The following FAT3 variants were observed in gnomAD, a reference collection of about 807,000 sequenced individuals.
FAT3 encodes FAT atypical cadherin 3.
Under a neutral mutation model 310.2 loss-of-function variants are expected in FAT3, and 95 were observed. That is an observed-to-expected ratio of 0.31 (90% CI 0.26 to 0.36). The LOEUF is 0.36. Ranked by LOEUF, FAT3 falls within the 10% of genes least tolerant of loss-of-function variation. The pLI is 1.00. For synonymous variants in FAT3, 2,314 were observed against 2,192.9 expected, an observed-to-expected ratio of 1.06 and a Z score of -1.54; for missense variants, 5,408 against 5,715.6, an observed-to-expected ratio of 0.95 and a Z score of 1.74.
chr11:92,774,186 A>T lies in FAT3; in HGVS notation c.4335+6A>T. ...CAAATGTTGCTGTTACTCAGGTGAG[A>T]TGTTAAATTACTGAATAGCAGGAAT... On this transcript the variant is annotated splice_donor_region_variant and intron_variant, in intron 7 of 27. Coordinates refer to ENST00000525166, the MANE Select transcript of FAT3 (RefSeq NM_001367949.2). 1 of 1,604,158 alleles carries T rather than the reference A, an allele frequency of 6.2e-7. No individual in the cohort carries two copies. Among genetic ancestry groups the T allele is most frequent in the Non-Finnish European group, 8.5e-7 (1 of 1,175,864 alleles).
rs200898016 is a variant in FAT3 at position 92,697,803 on chromosome 11, A to AT, written c.3669+361dup. On this transcript the variant is annotated intron_variant, in intron 4 of 27. Transcript: ENST00000525166. Reference sequence around the variant, plus strand: ...AAAAGAGAAAGAGCGTCAGTGTACCATTTATGAGGAAGCTTTGCTTTCCTC... The same window carrying AT: ...AAAAGAGAAAGAGCGTCAGTGTACCATTTTATGAGGAAGCTTTGCTTTCCTC... Among the ~76,000 whole-genome samples, 679 of 152,286 alleles carry AT rather than the reference A, an allele frequency of 4.5e-3. 4 individuals carry two copies. Among genetic ancestry groups the AT allele is most frequent in the African/African-American group, 0.016 (650 of 41,568 alleles).
intron 2 of FAT3, among the ~76,000 whole-genome samples, chr11:92,395,046 A>G (rs1949836730): frequency 6.6e-6 from 1 of 152,218 alleles, no homozygotes; most frequent in Admixed American, 6.5e-5. Flanking sequence ...GAATGAACCC[A>G]AGGTCCTTTC....
intron 3 of FAT3, among the ~76,000 whole-genome samples, chr11:92,557,254 G>A (rs76899860): frequency 0.011 from 1,691 of 151,860 alleles, 11 homozygotes; most frequent in African/African-American, 0.022. Flanking sequence ...TTACCTTCAC[G>A]GTACCTCACT....
chr11:92,432,806 C>G (rs1038112204), intron 2 of FAT3, among the ~76,000 whole-genome samples: 1 of 152,072 alleles, frequency 6.6e-6, no homozygotes, highest in Non-Finnish European at 1.5e-5. Context: ...TAGGGAGGAA[C>G]GTTTAAGTCT....
intron 5 of FAT3, among the ~76,000 whole-genome samples, chr11:92,764,569 C>T (rs1183175498): frequency 2.0e-5 from 3 of 152,172 alleles, no homozygotes; most frequent in Non-Finnish European, 4.4e-5. Flanking sequence ...TATTTCTATT[C>T]ATATAACTAT....
chr11:92,461,362 G>A (rs10830916), intron 2 of FAT3, among the ~76,000 whole-genome samples: 13,280 of 152,054 alleles, frequency 0.087, 852 homozygotes, highest in African/African-American at 0.18. Context: ...TAATGGTCTG[G>A]AAGTAATGAT....
intron 22 of FAT3, among the ~76,000 whole-genome samples, chr11:92,872,838 G>A (rs1261496943): frequency 2.0e-5 from 3 of 152,208 alleles, no homozygotes; most frequent in Non-Finnish European, 4.4e-5. Flanking sequence ...GAGAAGAATC[G>A]GAATGACTGA....
intron 21 of FAT3, among the ~76,000 whole-genome samples, chr11:92,862,221 C>T (rs533497323): frequency 6.6e-6 from 1 of 152,280 alleles, no homozygotes; most frequent in South Asian, 2.1e-4. Context: ...GAGCCCAAAC[C>T]ATAACTGAGG....
chr11:92,471,999 TG>T (rs1951921698), intron 2 of FAT3, among the ~76,000 whole-genome samples: 1 of 149,172 alleles, frequency 6.7e-6, no homozygotes. Context: ...TATTTATGTA[TG>T]TAATTTATAG....
At position 92,353,359 on chromosome 11, in the gene FAT3, A is replaced by T; in HGVS notation, c.1247A>T (p.Asp416Val). 1 of 1,613,552 alleles carries T rather than the reference A, an allele frequency of 6.2e-7. No homozygotes were observed. The highest frequency in any genetic ancestry group is 8.5e-7 in the Non-Finnish European group (1 of 1,179,788). The change falls in exon 2 of 28, where the codon GAT (aspartate) becomes GTT (valine). Residue 416 changes from aspartate (D) to valine (V), a missense_variant. This residue lies in a region of FAT3 where 4,588 missense variants were observed against 4,809.8 expected (regional missense o/e 0.95). Coordinates refer to ENST00000525166, the MANE Select transcript of FAT3 (RefSeq NM_001367949.2). ...GAATACAAATTATCTCCTGGTGAGG[A>T]TGCAGTGTACTTTAAAATTAATCCT... ...DVEYKLSPGE[D>V]AVYFKINPRS...
intron 1 of FAT3, among the ~76,000 whole-genome samples, chr11:92,287,815 C>G (rs990211426): frequency 6.6e-6 from 1 of 152,100 alleles, no homozygotes; most frequent in Admixed American, 6.6e-5. Context: ...GCCAGAGGTT[C>G]CCAGGTAGCA....
At chr11:92,505,047 C>G (rs539289105) in intron 2 of FAT3, among the ~76,000 whole-genome samples, 2 of 152,046 alleles carry the variant, frequency 1.3e-5, no homozygotes, top group African/African-American at 4.8e-5. Context: ...ATGCAATGCA[C>G]TTTAGAAACA....
intron 1 of FAT3, among the ~76,000 whole-genome samples, chr11:92,247,749 A>G (rs1482765052): frequency 1.3e-5 from 2 of 148,668 alleles, no homozygotes; most frequent in Non-Finnish European, 3.0e-5. Context: ...TTTTATATTC[A>G]AGCTTCTGAT....
At chr11:92,388,582 A>C (rs938728265) in intron 2 of FAT3, among the ~76,000 whole-genome samples, 5 of 152,170 alleles carry the variant, frequency 3.3e-5, no homozygotes, top group African/African-American at 1.2e-4. Context: ...AGGATTTAAT[A>C]TTTTATACCA....
At chr11:92,760,238 T>G (rs1946109788) in intron 4 of FAT3, among the ~76,000 whole-genome samples, 1 of 152,216 alleles carries the variant, frequency 6.6e-6, no homozygotes, top group Non-Finnish European at 1.5e-5. Context: ...GTGTGAAAAT[T>G]TATCTTAAGT....
intron 1 of FAT3, among the ~76,000 whole-genome samples, chr11:92,245,337 G>C (rs1399241173): frequency 1.3e-5 from 2 of 151,714 alleles, no homozygotes; most frequent in African/African-American, 4.8e-5. Context: ...ACCGGGGCCT[G>C]TCGGGGGGTG....
chr11:92,861,754 C>T (rs1047815782), intron 21 of FAT3, among the ~76,000 whole-genome samples: 44 of 152,236 alleles, frequency 2.9e-4, no homozygotes, highest in African/African-American at 1.1e-3. Flanking sequence ...TTTTCAGCCT[C>T]ATGCAAGATT....
At chr11:92,290,212 C>G (rs1485467652) in intron 1 of FAT3, among the ~76,000 whole-genome samples, 2 of 152,102 alleles carry the variant, frequency 1.3e-5, no homozygotes, top group Non-Finnish European at 2.9e-5. Flanking sequence ...CCTTCTTTCT[C>G]TCTATAGTCC....
chr11:92,601,614 C>T (rs1229010248), intron 3 of FAT3, among the ~76,000 whole-genome samples: 1 of 151,920 alleles, frequency 6.6e-6, no homozygotes, highest in African/African-American at 2.4e-5. Context: ...AAAGCATACA[C>T]TACAAGGCAT....
Sources: gnomAD v4.1 joint callset for allele counts (sites outside exome capture counted in the v4.1 genomes callset) on GRCh38, gnomAD v4.1.1 for gene constraint, gnomAD v4.1.1 regional missense constraint, MANE v1.5 for transcripts, NCBI Gene and HGNC (gene_info 2026-07-23, HGNC 2026-07-21) for gene names.